MAGI2: variants seen among roughly 807,000 people sequenced by gnomAD.
MAGI2 encodes the protein membrane associated guanylate kinase, WW and PDZ domain containing 2, also known as membrane-associated guanylate kinase, WW and PDZ domain-containing protein 2.
In MAGI2, 35 loss-of-function variants were observed where a neutral mutation model predicts 133.3. The ratio of observed to expected loss-of-function variants is 0.26; its 90% CI spans 0.20 to 0.35. MAGI2 has a LOEUF of 0.35. Among genes scored for constraint, MAGI2 ranks in the 10% least tolerant of loss-of-function variants. MAGI2 has a pLI of 1.00. For missense variants in MAGI2, 1,636 were observed against 1,863.4 expected (o/e 0.88, Z 2.25); for synonymous variants, 729 against 710.6 (o/e 1.03, Z -0.41).
intron 1 of MAGI2, among the ~76,000 whole-genome samples, chr7:79,071,817 G>T (rs1237515698): frequency 2.0e-5 from 3 of 152,092 alleles, no homozygotes; most frequent in Non-Finnish European, 4.4e-5. Flanking sequence ...TCCCCACCAT[G>T]TTGGAGCCTC....
intron 6 of MAGI2, among the ~76,000 whole-genome samples, chr7:78,382,875 C>T (rs1411970604): frequency 1.3e-5 from 2 of 152,006 alleles, no homozygotes; most frequent in African/African-American, 2.4e-5. Context: ...TCTTTTTGTG[C>T]TGGCTTACTC....
chr7:78,621,160 T>C (rs1359552598), intron 3 of MAGI2: 1 of 151,890 alleles, frequency 6.6e-6, no homozygotes, highest in African/African-American at 2.4e-5. Flanking sequence ...ACCTAACTTT[T>C]AGAGTGCCAT....
intron 1 of MAGI2, among the ~76,000 whole-genome samples, chr7:79,350,025 C>G (rs1421288633): frequency 1.3e-5 from 2 of 152,020 alleles, no homozygotes; most frequent in African/African-American, 4.8e-5. Flanking sequence ...TGTTTTCTTT[C>G]CTAATGTTTA....
At chr7:78,376,410 T>C (rs1295120812) in intron 6 of MAGI2, among the ~76,000 whole-genome samples, 1 of 152,160 alleles carries the variant, frequency 6.6e-6, no homozygotes, top group Non-Finnish European at 1.5e-5. Flanking sequence ...TTTATTATTT[T>C]ACAGTGGAAA....
chr7:79,182,291 G>T (rs1012781768), intron 1 of MAGI2, among the ~76,000 whole-genome samples: 2 of 151,936 alleles, frequency 1.3e-5, no homozygotes, highest in African/African-American at 2.4e-5. Flanking sequence ...ACATAATTGG[G>T]GAGGCCTCAC....
At chr7:78,917,138 A>G (rs1437657478) in intron 2 of MAGI2, among the ~76,000 whole-genome samples, 1 of 152,088 alleles carries the variant, frequency 6.6e-6, no homozygotes, top group African/African-American at 2.4e-5. Context: ...ATATCAATGA[A>G]CTAATACTAC....
chr7:78,415,133 G>A lies in MAGI2; in HGVS notation c.1046-45920C>T, dbSNP rs1283376994. 2.0e-5 allele frequency among the ~76,000 whole-genome samples: 3 copies of A among 152,184 alleles called. No homozygotes were observed. The East Asian group carries it at 5.8e-4, about 29-fold the overall frequency. On this transcript the variant is annotated intron_variant, in intron 6 of 21. Transcript: ENST00000354212. ...GAATTATTTTAAGGTTTCATTTAAA[G>A]CCTGTGCCTTACCTTCCTTTATGTT...
intron 3 of MAGI2, among the ~76,000 whole-genome samples, chr7:78,613,650 T>C (rs1806722648): frequency 6.6e-6 from 1 of 152,034 alleles, no homozygotes; most frequent in Non-Finnish European, 1.5e-5. Flanking sequence ...ATCTTTTAAA[T>C]TGTGAGAGAA....
chr7:78,763,714 A>G (rs1214685903), intron 2 of MAGI2, among the ~76,000 whole-genome samples: 1 of 139,770 alleles, frequency 7.2e-6, no homozygotes, highest in East Asian at 2.3e-4. Flanking sequence ...CCACCTAAAC[A>G]AGGAAAGTAC....
chr7:79,334,666 A>G (rs887275539), intron 1 of MAGI2, among the ~76,000 whole-genome samples: 4 of 152,152 alleles, frequency 2.6e-5, no homozygotes, highest in African/African-American at 9.7e-5. Flanking sequence ...TACCATCTTT[A>G]CCTCTAGCCA....
At chr7:78,916,164 ATT>A (rs1316188055) in intron 2 of MAGI2, among the ~76,000 whole-genome samples, 1 of 152,072 alleles carries the variant, frequency 6.6e-6, no homozygotes, top group African/African-American at 2.4e-5. Flanking sequence ...AATGTTGTTT[ATT>A]TCAGTCTTAG....
Position 78,501,690 on chromosome 7 carries a change from C to T in MAGI2, c.852G>A (p.Lys284=). The T allele has an allele frequency of 1.9e-6, 3 of 1,614,102 alleles. No homozygotes were observed. Residue 284 remains lysine, a synonymous_variant, in exon 5 of 22, where the codon AAG becomes AAA. Coordinates refer to ENST00000354212, the MANE Select transcript of MAGI2 (RefSeq NM_012301.4). ...APVYSQPEEL[K]EQMDDTKPTK... The stretch of plus-strand genomic sequence containing the variant: ...TTGGCTTTGTGTCATCCATCTGCTC[C>T]TTCAGCTCCTCAGGCTGACTGTACA...
At chr7:78,118,089 T>C (rs1246365109) in intron 20 of MAGI2, among the ~76,000 whole-genome samples, 1 of 152,052 alleles carries the variant, frequency 6.6e-6, no homozygotes, top group African/African-American at 2.4e-5. Context: ...GCAAAGGCAA[T>C]GCAATGAAGA....
At chr7:78,793,635 AT>A (rs1300361128) in intron 2 of MAGI2, among the ~76,000 whole-genome samples, 1 of 152,190 alleles carries the variant, frequency 6.6e-6, no homozygotes, top group Non-Finnish European at 1.5e-5. Context: ...TTCTCAATAG[AT>A]TTAGAAAACT....
intron 6 of MAGI2, among the ~76,000 whole-genome samples, chr7:78,397,192 C>A (rs1001798007): frequency 6.6e-6 from 1 of 151,094 alleles, no homozygotes. Context: ...TAAAAAGAAA[C>A]CAGAAAGAAA....
chr7:78,286,762 G>C (rs1228246976), intron 9 of MAGI2, among the ~76,000 whole-genome samples: 2 of 152,144 alleles, frequency 1.3e-5, no homozygotes, highest in African/African-American at 4.8e-5. Context: ...TGGTTCTGAA[G>C]GAGAGGAGGA....
chr7:78,370,131 G>C (rs1428435333), intron 6 of MAGI2, among the ~76,000 whole-genome samples: 1 of 151,974 alleles, frequency 6.6e-6, no homozygotes, highest in Non-Finnish European at 1.5e-5. Flanking sequence ...ACAAAGCACA[G>C]TTATCAAAAG....
At chr7:79,157,941 A>AGT (rs60535225) in intron 1 of MAGI2, among the ~76,000 whole-genome samples, 3,796 of 134,874 alleles carry the variant, frequency 0.028, 56 homozygotes, top group African/African-American at 0.041. Context: ...TCTTTGTGTG[A>AGT]GTGTGTGTGT....
intron 9 of MAGI2, among the ~76,000 whole-genome samples, chr7:78,305,281 A>C (rs1798162021): frequency 6.6e-6 from 1 of 151,836 alleles, no homozygotes; most frequent in African/African-American, 2.4e-5. Flanking sequence ...CTTTAATGAA[A>C]CCTCGCTTGG....
Sources: gnomAD v4.1 joint callset for allele counts (sites outside exome capture counted in the v4.1 genomes callset) on GRCh38, gnomAD v4.1.1 for gene constraint, MANE v1.5 for transcripts, NCBI Gene and HGNC (gene_info 2026-07-23, HGNC 2026-07-21) for gene names.